VMA12: variants seen among roughly 807,000 people sequenced by gnomAD.
The protein encoded by VMA12 is vacuolar ATPase assembly protein VMA12.
chr17:28,359,075 G>T, the VMA12 span: 5 of 1,323,216 alleles, frequency 3.8e-6, no homozygotes, highest in East Asian at 1.2e-4. Context: ...CAACTTTTAG[G>T]CTTGAAAAAT....
the VMA12 span, chr17:28,358,350 G>T: frequency 2.8e-4 from 131 of 467,916 alleles, no homozygotes; most frequent in African/African-American, 2.3e-3. Context: ...TGGCCTGAGA[G>T]TAGCATGTGA....
chr17:28,361,420 T>C, the VMA12 span: 4 of 624,326 alleles, frequency 6.4e-6, no homozygotes, highest in Non-Finnish European at 1.1e-5. Flanking sequence ...TTCTGTGAAT[T>C]TCCAAAGGGA....
At chr17:28,358,298 T>G in the VMA12 span, 63 of 423,934 alleles carry the variant, frequency 1.5e-4, no homozygotes, top group Middle Eastern at 3.5e-4. Context: ...TTTGTTTGTT[T>G]GTTTTTTTAA....
chr17:28,359,169 AAAAC>A, the VMA12 span: 1 of 1,023,756 alleles, frequency 9.8e-7, no homozygotes, highest in Non-Finnish European at 1.4e-6. Flanking sequence ...AAAAAAAAAA[AAAAC>A]AGTTTCAAAG....
the VMA12 span, chr17:28,358,582 C>T: frequency 2.1e-6 from 1 of 483,738 alleles, no homozygotes. Context: ...GTCCTCTGAG[C>T]ATTTAGCATC....
At chr17:28,358,384 A>G in the VMA12 span, 1 of 472,304 alleles carries the variant, frequency 2.1e-6, no homozygotes, top group Non-Finnish European at 4.4e-6. Context: ...CTCTGTCACT[A>G]ATCCTTTGAA....
At chr17:28,359,121 T>C in the VMA12 span, 1 of 998,968 alleles carries the variant, frequency 1.0e-6, no homozygotes, top group Non-Finnish European at 1.5e-6. Flanking sequence ...GGGAGCCAGA[T>C]ATTGTCCTCC....
At chr17:28,358,299 G>GT in the VMA12 span, 1 of 423,836 alleles carries the variant, frequency 2.4e-6, no homozygotes, top group Non-Finnish European at 4.9e-6. Context: ...TTGTTTGTTT[G>GT]TTTTTTTAAT....
the VMA12 span, chr17:28,360,318 AC>A: frequency 1.9e-6 from 1 of 518,294 alleles, no homozygotes; most frequent in South Asian, 2.1e-5. Context: ...CTACCCTGGA[AC>A]AGGAGAGTAG....
chr17:28,359,275 C>G, the VMA12 span: 3 of 1,603,762 alleles, frequency 1.9e-6, no homozygotes, highest in Non-Finnish European at 2.6e-6. Context: ...TTCTAACAAG[C>G]TGGGAATATC....
chr17:28,358,909 T>G, the VMA12 span: 6 of 1,605,680 alleles, frequency 3.7e-6, no homozygotes, highest in Admixed American at 1.0e-4. Context: ...AAACCTTTTC[T>G]TCTCAGATTC....
the VMA12 span, chr17:28,357,826 A>C: frequency 6.2e-7 from 1 of 1,614,070 alleles, no homozygotes; most frequent in Non-Finnish European, 8.5e-7. Context: ...GTGGCCCCCA[A>C]CGCTTGGTTT....
At chr17:28,357,988 A>T in the VMA12 span, 1 of 1,184,202 alleles carries the variant, frequency 8.4e-7, no homozygotes, top group Non-Finnish European at 1.2e-6. Context: ...TCATCTAGAC[A>T]AGTCAAGAGT....
At chr17:28,358,422 G>C in the VMA12 span, 1 of 472,284 alleles carries the variant, frequency 2.1e-6, no homozygotes, top group Non-Finnish European at 4.4e-6. Context: ...CTGGGCCTCA[G>C]TTCCCTTATG....
At chr17:28,359,155 G>C in the VMA12 span, 1 of 912,390 alleles carries the variant, frequency 1.1e-6, no homozygotes, top group Non-Finnish European at 1.6e-6. Context: ...GGAAAATTGA[G>C]ATCAAAAAAA....
the VMA12 span, chr17:28,359,340 A>C: frequency 6.2e-7 from 1 of 1,614,084 alleles, no homozygotes; most frequent in Non-Finnish European, 8.5e-7. Context: ...GCCCGGCTGG[A>C]GAAGATTAAG....
Sources: gnomAD v4.1 joint callset for allele counts on GRCh38, gnomAD v4.1.1 for gene constraint, MANE v1.5 for transcripts, NCBI Gene and HGNC (gene_info 2026-07-23, HGNC 2026-07-21) for gene names.